The following CTNNA3 variants were observed in gnomAD, a reference collection of about 807,000 sequenced individuals.
CTNNA3 encodes the protein catenin alpha-3.
Under a neutral mutation model 95.7 loss-of-function variants are expected in CTNNA3, and 76 were observed. That is an observed-to-expected ratio of 0.79 (90% CI 0.66 to 0.96). CTNNA3 has a LOEUF of 0.96. Ranked by LOEUF, CTNNA3 falls within the 40% of genes least tolerant of loss-of-function variation. The pLI, the probability that CTNNA3 is intolerant of heterozygous loss-of-function variation, is 0.00. For synonymous variants in CTNNA3, 431 were observed against 374.4 expected (o/e 1.15, Z -1.74); for missense variants, 1,191 against 1,089.8 (o/e 1.09, Z -1.31).
At chr10:66,932,698 TAAAG>T (rs3056555) in intron 7 of CTNNA3, among the ~76,000 whole-genome samples, 105,218 of 151,424 alleles carry the variant, frequency 0.69, 38,208 homozygotes, top group South Asian at 0.8. Flanking sequence ...AAAAATGAAT[TAAAG>T]AAATAATAAT....
intron 3 of CTNNA3, among the ~76,000 whole-genome samples, chr10:67,588,489 T>G (rs948800765): frequency 2.6e-5 from 4 of 151,900 alleles, no homozygotes; most frequent in Non-Finnish European, 5.9e-5. Context: ...GTTTCCTTGA[T>G]ACATTAGGTA....
At chr10:67,427,926 T>C (rs993732504) in intron 5 of CTNNA3, among the ~76,000 whole-genome samples, 4 of 152,032 alleles carry the variant, frequency 2.6e-5, no homozygotes, top group African/African-American at 9.7e-5. Context: ...GGGAGACAGC[T>C]TAGTGAACAG....
chr10:67,654,325 G>A (rs369859557), intron 1 of CTNNA3, among the ~76,000 whole-genome samples: 7 of 152,106 alleles, frequency 4.6e-5, no homozygotes, highest in Non-Finnish European at 7.4e-5. Context: ...GCAGGCCTCC[G>A]TCTGTACCCT....
intron 11 of CTNNA3, among the ~76,000 whole-genome samples, chr10:66,444,655 A>G (rs1272073148): frequency 6.6e-6 from 1 of 152,154 alleles, no homozygotes; most frequent in Non-Finnish European, 1.5e-5. Context: ...GGCCTGCCCT[A>G]AAAGAGCTCC....
At chr10:66,134,979 T>A (rs16922516) in intron 13 of CTNNA3, among the ~76,000 whole-genome samples, 7,269 of 152,180 alleles carry the variant, frequency 0.048, 216 homozygotes, top group African/African-American at 0.066. Flanking sequence ...TCTGAAAATA[T>A]TTTGTGTGAT....
chr10:66,015,262 C>T (rs931362000), intron 15 of CTNNA3, among the ~76,000 whole-genome samples: 1 of 152,012 alleles, frequency 6.6e-6, no homozygotes, highest in African/African-American at 2.4e-5. Context: ...CATATCAACA[C>T]CTAATAGACT....
rs148731464 is a variant in CTNNA3, at chr10:66,351,305, G to T, written c.1732+27847C>A. 3.0e-3 allele frequency among the ~76,000 whole-genome samples: 453 copies of T among 152,154 alleles called. 14 individuals carry two copies. Among genetic ancestry groups the T allele is most frequent in the East Asian group, 2.7e-3 (14 of 5,174 alleles). ...GTAGAAGGTTATTACAACAACCCAT[G>T]AGGTTGCTGTAAGTATTTCCTCTAA... On this transcript the variant is annotated intron_variant, in intron 12 of 17. Coordinates refer to ENST00000433211, the MANE Select transcript of CTNNA3 (RefSeq NM_013266.4).
At chr10:67,744,123 G>C (rs1369682469) in intron 1 of CTNNA3, among the ~76,000 whole-genome samples, 1 of 151,220 alleles carries the variant, frequency 6.6e-6, no homozygotes, top group Admixed American at 6.6e-5. Context: ...AGCTGCCAAT[G>C]ACTTTCTTCA....
At chr10:67,445,475 T>C (rs1190053787) in intron 5 of CTNNA3, among the ~76,000 whole-genome samples, 1 of 151,802 alleles carries the variant, frequency 6.6e-6, no homozygotes, top group Non-Finnish European at 1.5e-5. Context: ...TTCTTTGCCC[T>C]TTGCCCCACT....
At chr10:66,439,441 G>C (rs2093361053) in intron 11 of CTNNA3, among the ~76,000 whole-genome samples, 1 of 152,060 alleles carries the variant, frequency 6.6e-6, no homozygotes, top group Admixed American at 6.5e-5. Context: ...GAGAGTAGTT[G>C]TTACCTGAGG....
chr10:66,247,914 CA>C (rs1310373660), intron 13 of CTNNA3, among the ~76,000 whole-genome samples: 1 of 152,082 alleles, frequency 6.6e-6, no homozygotes, highest in Non-Finnish European at 1.5e-5. Context: ...ATACAAAACT[CA>C]CCAGTAATAG....
intron 1 of CTNNA3, among the ~76,000 whole-genome samples, chr10:67,704,887 G>A (rs1299331318): frequency 1.3e-5 from 2 of 151,966 alleles, no homozygotes; most frequent in Admixed American, 6.6e-5. Flanking sequence ...ATCTGACAAA[G>A]GGCTAATATC....
intron 5 of CTNNA3, among the ~76,000 whole-genome samples, chr10:67,482,074 T>C (rs1258546939): frequency 1.3e-5 from 2 of 152,114 alleles, no homozygotes; most frequent in Admixed American, 1.3e-4. Flanking sequence ...TACGGCTTTA[T>C]TTCTGAGGGC....
At chr10:66,408,762 G>A (rs963236826) in intron 11 of CTNNA3, among the ~76,000 whole-genome samples, 4 of 152,232 alleles carry the variant, frequency 2.6e-5, no homozygotes, top group South Asian at 2.1e-4. Context: ...TGTCTAATGA[G>A]TACATTAAAC....
intron 11 of CTNNA3, among the ~76,000 whole-genome samples, chr10:66,420,158 A>C (rs1189232525): frequency 6.6e-6 from 1 of 152,200 alleles, no homozygotes; most frequent in African/African-American, 2.4e-5. Flanking sequence ...TCCAGAGTAT[A>C]TAAGATACTC....
chr10:66,629,369 C>G (rs1040306899), intron 9 of CTNNA3, among the ~76,000 whole-genome samples: 11 of 151,952 alleles, frequency 7.2e-5, no homozygotes, highest in Non-Finnish European at 1.0e-4. Context: ...CATTTTAAAA[C>G]ATTTTACCTC....
chr10:66,080,261 A>G (rs1468250989), intron 14 of CTNNA3, among the ~76,000 whole-genome samples: 1 of 152,102 alleles, frequency 6.6e-6, no homozygotes, highest in African/African-American at 2.4e-5. Flanking sequence ...TTGTATAACT[A>G]TTCCCTTCTT....
chr10:67,526,264 G>A (rs929843946), intron 4 of CTNNA3, among the ~76,000 whole-genome samples: 1 of 151,266 alleles, frequency 6.6e-6, no homozygotes. Context: ...TTTTCCAAAT[G>A]AACTTACAAG....
chr10:66,452,142 T>C (rs965569826), intron 11 of CTNNA3, among the ~76,000 whole-genome samples: 5 of 152,212 alleles, frequency 3.3e-5, no homozygotes, highest in Admixed American at 6.5e-5. Context: ...TAGTTACATT[T>C]CTTCTATATT....
Sources: gnomAD v4.1 joint callset for allele counts (sites outside exome capture counted in the v4.1 genomes callset) on GRCh38, gnomAD v4.1.1 for gene constraint, MANE v1.5 for transcripts, NCBI Gene and HGNC (gene_info 2026-07-23, HGNC 2026-07-21) for gene names.